BCAP31: variants seen among roughly 807,000 people sequenced by gnomAD.
BCAP31 encodes B cell receptor associated protein 31.
For missense variants in BCAP31, 124 were observed against 193.0 expected (o/e 0.64, Z 2.12); for synonymous variants, 75 against 80.9 (o/e 0.93, Z 0.39).
At chrX:153,721,803 C>T (rs1417708930) in intron 2 of BCAP31, among the ~76,000 whole-genome samples, 2 of 97,950 alleles carry the variant, frequency 2.0e-5, no homozygotes, top group Admixed American at 2.3e-4. Flanking sequence ...GAGGCTGAGG[C>T]AGGAGAATTG....
At chrX:153,718,082 G>A (rs1287760487) in intron 3 of BCAP31, among the ~76,000 whole-genome samples, 1 of 111,152 alleles carries the variant, frequency 9.0e-6, no homozygotes, top group African/African-American at 3.3e-5. Flanking sequence ...TTGGGAGGCC[G>A]AGGTGGGCGG....
intron 4 of BCAP31, among the ~76,000 whole-genome samples, chrX:153,709,817 A>G (rs2091577827): frequency 8.8e-6 from 1 of 113,107 alleles, no homozygotes; most frequent in African/African-American, 3.2e-5. Flanking sequence ...CGCCCTTCAT[A>G]TGTGCCAGGC....
chrX:153,720,499 G>A (rs1314441946), intron 3 of BCAP31, among the ~76,000 whole-genome samples: 2 of 110,605 alleles, frequency 1.8e-5, no homozygotes, highest in Non-Finnish European at 3.8e-5. Context: ...CAAGTAGCTG[G>A]GATTACAGGT....
chrX:153,702,715 C>A (rs1460240693), intron 6 of BCAP31, among the ~76,000 whole-genome samples: 1 of 112,784 alleles, frequency 8.9e-6, no homozygotes, highest in African/African-American at 3.2e-5. Context: ...CAGCCTGGTT[C>A]CTCCTGAGCC....
chrX:153,722,371 G>C (rs1557051244), intron 2 of BCAP31, among the ~76,000 whole-genome samples: 2 of 111,488 alleles, frequency 1.8e-5, no homozygotes, highest in African/African-American at 3.3e-5. Flanking sequence ...TGCTTTTCCA[G>C]TTTCCTTTGT....
At chrX:153,724,053 G>C (rs2091689594) in intron 1 of BCAP31, 9 of 331,996 alleles carry the variant, frequency 2.7e-5, no homozygotes, top group South Asian at 2.1e-4. Context: ...CCCAGAGCGA[G>C]GGGCCTCCGA....
At chrX:153,723,132 T>C (rs1557051429) in intron 2 of BCAP31, 21 bp downstream of exon 2, 1 of 1,207,381 alleles carries the variant, frequency 8.3e-7, no homozygotes, top group Non-Finnish European at 1.1e-6. Context: ...CTAACTCGCC[T>C]GCTTGCTCCA....
At chrX:153,723,878 G>A (rs2091687707) in intron 1 of BCAP31, 1 of 541,100 alleles carries the variant, frequency 1.8e-6, no homozygotes, top group Non-Finnish European at 3.2e-6. Flanking sequence ...CGCCTCCGGT[G>A]GGCTGGAGGC....
At chrX:153,711,133 T>C (rs1392957442) in intron 4 of BCAP31, among the ~76,000 whole-genome samples, 7 of 101,534 alleles carry the variant, frequency 6.9e-5, no homozygotes, top group Non-Finnish European at 1.4e-4. Context: ...TGTTACTCCA[T>C]GGGCAGCCAG....
intron 4 of BCAP31, among the ~76,000 whole-genome samples, chrX:153,713,067 C>G (rs1368972821): frequency 5.4e-5 from 6 of 111,455 alleles, no homozygotes; most frequent in African/African-American, 2.0e-4. Context: ...ATTAGCAGGG[C>G]ATGGTGGCGG....
chrX:153,704,106 T>C lies in BCAP31; in HGVS notation c.342-12A>G. 1 of 1,202,087 alleles carries C rather than the reference T, an allele frequency of 8.3e-7. No individual in the cohort carries two copies. The highest frequency in any genetic ancestry group is 1.1e-6 in the Non-Finnish European group (1 of 890,477). ...GGCGTCTAAGCAGGCTGCAATTATTTACAAAAAGAAGGGAGAAGTGAGAAA... is the reference window on the plus strand; with the variant it reads ...GGCGTCTAAGCAGGCTGCAATTATTCACAAAAAGAAGGGAGAAGTGAGAAA... On this transcript the variant is annotated splice_polypyrimidine_tract_variant and intron_variant, in intron 4 of 7. Transcript: ENST00000345046.
In BCAP31 at chrX:153,723,693, C is replaced by T. The variant is rs1338284291; in HGVS notation, c.-44-405G>A. On this transcript the variant is annotated intron_variant, in intron 1 of 7. Coordinates refer to ENST00000345046, the MANE Select transcript of BCAP31 (RefSeq NM_001256447.2). ...GCGCTCCCTTCCCCGCCAGGCAGAACTCAGCCGCAGAGGCGGGCGCTCTGC... is the reference window on the plus strand; with the variant it reads ...GCGCTCCCTTCCCCGCCAGGCAGAATTCAGCCGCAGAGGCGGGCGCTCTGC... 3.0e-5 allele frequency: 35 copies of T among 1,151,774 alleles called. No individual in the cohort carries two copies. The East Asian group carries it at 1.1e-3, about 37-fold the overall frequency. The allele number at this position is 1,151,774 out of a possible 1,213,427, so 94.9% of individuals were successfully genotyped here.
At chrX:153,717,239 G>A (rs2091635367) in intron 3 of BCAP31, among the ~76,000 whole-genome samples, 2 of 112,339 alleles carry the variant, frequency 1.8e-5, no homozygotes, top group Non-Finnish European at 3.8e-5. Flanking sequence ...TGAAAGAGCC[G>A]CTGTTAGACA....
At chrX:153,723,112 ACC>A in intron 2 of BCAP31, 39 bp downstream of exon 2, 3 of 1,197,165 alleles carry the variant, frequency 2.5e-6, no homozygotes, top group Non-Finnish European at 3.4e-6. Flanking sequence ...GGGCACAGGC[ACC>A]CTCCTGCCTA....
At chrX:153,716,610 A>G (rs2091630489) in intron 3 of BCAP31, among the ~76,000 whole-genome samples, 1 of 108,566 alleles carries the variant, frequency 9.2e-6, no homozygotes, top group Non-Finnish European at 1.9e-5. Flanking sequence ...AAAAATTTTA[A>G]ATAGCTGGGC....
At chrX:153,704,253 C>T (rs2091539097) in intron 4 of BCAP31, among the ~76,000 whole-genome samples, 159 bp from the exon 5 acceptor site, 4 of 112,376 alleles carry the variant, frequency 3.6e-5, no homozygotes, top group Admixed American at 1.9e-4. Context: ...GTGCTGGCAG[C>T]GTGAGGGAAA....
chrX:153,701,218 C>A (rs2091515972), intron 7 of BCAP31, among the ~76,000 whole-genome samples: 1 of 112,411 alleles, frequency 8.9e-6, no homozygotes, highest in African/African-American at 3.2e-5. Context: ...ACTGCCAGGA[C>A]CTCACTGGGG....
rs1440351493 is a variant in BCAP31, at chrX:153,701,142, G to C, written c.703-167C>G. The stretch of plus-strand genomic sequence containing the variant: ...CCCAGCTGCACCCAAAGGCCTGCCA[G>C]GGTGGGAGCGTCAGCCCTGGCCCAC... On this transcript the variant is annotated intron_variant, in intron 7 of 7. Transcript: ENST00000345046. 9.8e-5 allele frequency among the ~76,000 whole-genome samples: 11 copies of C among 112,147 alleles called. No individual in the cohort carries two copies. In the Admixed American group the frequency reaches 1.0e-3, roughly 10 times the overall value.
intron 4 of BCAP31, among the ~76,000 whole-genome samples, chrX:153,705,631 CT>C (rs1188372146): frequency 8.9e-6 from 1 of 112,814 alleles, no homozygotes; most frequent in African/African-American, 3.2e-5. Flanking sequence ...AACAATGCAT[CT>C]GACTCACATC....
Sources: allele counts gnomAD v4.1 joint callset (sites outside exome capture counted in the v4.1 genomes callset), GRCh38; gene constraint gnomAD v4.1.1; transcripts MANE v1.5; gene names NCBI Gene and HGNC (gene_info 2026-07-23, HGNC 2026-07-21).